The following BCL2L14 variants were observed in gnomAD, a reference collection of about 807,000 sequenced individuals.
BCL2L14 encodes the protein apoptosis facilitator Bcl-2-like protein 14.
BCL2L14 carries 27 observed loss-of-function variants against 35.3 expected under a neutral mutation model. The ratio of observed to expected loss-of-function variants is 0.76; its 90% CI spans 0.56 to 1.05. BCL2L14 has a LOEUF of 1.05. Among genes scored for constraint, BCL2L14 ranks in the 50% least tolerant of loss-of-function variants. The probability of loss-of-function intolerance (pLI) is 0.00; values close to 1 mark genes in which losing one functional copy is unlikely to be tolerated. For synonymous variants in BCL2L14, 139 were observed against 145.9 expected (o/e 0.95, Z 0.34); for missense variants, 377 against 382.6 (o/e 0.99, Z 0.12).
At chr12:12,085,745 A>G (rs1341040160) in intron 2 of BCL2L14, among the ~76,000 whole-genome samples, 2 of 152,150 alleles carry the variant, frequency 1.3e-5, no homozygotes, top group African/African-American at 4.8e-5. Flanking sequence ...GAGAGGGATC[A>G]GGAGCCACCT....
At chr12:12,088,836 G>A (rs542963535) in intron 3 of BCL2L14, among the ~76,000 whole-genome samples, 16 of 152,256 alleles carry the variant, frequency 1.1e-4, no homozygotes, top group Middle Eastern at 3.4e-3. Context: ...AGAGGCTCAG[G>A]GGACCGTGTG....
intron 2 of BCL2L14, among the ~76,000 whole-genome samples, chr12:12,084,424 T>C (rs1207635377): frequency 6.6e-6 from 1 of 152,162 alleles, no homozygotes; most frequent in South Asian, 2.1e-4. Flanking sequence ...AGAAAGTGGA[T>C]ACTGAGTGGG....
intron 2 of BCL2L14, among the ~76,000 whole-genome samples, chr12:12,057,863 T>TGCCTGG (rs111803232): frequency 0.17 from 25,378 of 151,012 alleles, 2,243 homozygotes; most frequent in African/African-American, 0.19. Context: ...TTAAAGACAG[T>TGCCTGG]GCCTGGGCTC....
intron 2 of BCL2L14, among the ~76,000 whole-genome samples, chr12:12,061,555 T>C (rs1948526513): frequency 6.6e-6 from 1 of 151,986 alleles, no homozygotes; most frequent in Non-Finnish European, 1.5e-5. Context: ...GTTTTGCCTA[T>C]CCACCCCGTG....
chr12:12,063,404 A>T (rs1948553700), intron 2 of BCL2L14, among the ~76,000 whole-genome samples: 1 of 148,374 alleles, frequency 6.7e-6, no homozygotes. Context: ...TATTCCGTTT[A>T]GTTTTTCAAT....
chr12:12,094,882 G>A lies in BCL2L14; in HGVS notation c.897G>A (p.Lys299=), dbSNP rs1276297775. ...ACAGGGTCCTGGGCTTTGGCACCAA[G>A]TACCTGAAAGAGAACTTCTCGCCAT... is the stretch of plus-strand genomic sequence containing the variant. ...PMNRVLGFGT[K]YLKENFSPWI... is the part of the protein sequence containing the mutation. Residue 299 remains lysine (K), a synonymous_variant, in exon 5 of 6, where the codon AAG becomes AAA. Transcript: ENST00000308721. 3.1e-6 allele frequency: 5 copies of A among 1,614,054 alleles called. No individual in the cohort carries two copies. Among genetic ancestry groups the A allele is most frequent in the African/African-American group, 1.3e-5 (1 of 74,936 alleles).
At chr12:12,060,159 C>T (rs1025663749) in intron 2 of BCL2L14, among the ~76,000 whole-genome samples, 1 of 151,546 alleles carries the variant, frequency 6.6e-6, no homozygotes, top group South Asian at 2.1e-4. Flanking sequence ...CACCTCCCCT[C>T]CTCACACCCG....
chr12:12,067,942 T>C (rs17757828), upstream of BCL2L14, among the ~76,000 whole-genome samples: 16,469 of 150,126 alleles, frequency 0.11, 917 homozygotes, highest in Middle Eastern at 0.17. Flanking sequence ...TTTCAGGACT[T>C]TTTTTTTTTG....
At chr12:12,098,862 C>G in intron 5 of BCL2L14, 88 bp from the exon 6 acceptor site, 1 of 967,156 alleles carries the variant, frequency 1.0e-6, no homozygotes, top group Non-Finnish European at 1.7e-6. Context: ...CGGGTCACGC[C>G]TGGGATAGAG....
At chr12:12,088,900 A>G (rs1297042046) in intron 3 of BCL2L14, among the ~76,000 whole-genome samples, 1 of 152,088 alleles carries the variant, frequency 6.6e-6, no homozygotes, top group Non-Finnish European at 1.5e-5. Flanking sequence ...AAACAGTGTG[A>G]CATTTTATTA....
At chr12:12,092,588 G>A (rs570571907) in intron 4 of BCL2L14, among the ~76,000 whole-genome samples, 1 of 152,312 alleles carries the variant, frequency 6.6e-6, no homozygotes, top group African/African-American at 2.4e-5. Context: ...GCAGGGGAGG[G>A]GTGAGGAGGT....
At chr12:12,086,903 G>A (rs746166540) in intron 2 of BCL2L14, among the ~76,000 whole-genome samples, 15 of 152,192 alleles carry the variant, frequency 9.9e-5, no homozygotes, top group Non-Finnish European at 2.1e-4. Flanking sequence ...AAAGAGCTAA[G>A]CACTCCTTTT....
At chr12:12,069,641 G>C (rs1329935442), upstream of BCL2L14, among the ~76,000 whole-genome samples, 1 of 151,094 alleles carries the variant, frequency 6.6e-6, no homozygotes, top group Non-Finnish European at 1.5e-5. Flanking sequence ...CCAGGAGGTG[G>C]AGCTTGCAGT....
chr12:12,090,650 A>ATT (rs1591834389), intron 3 of BCL2L14, 129 bp from the exon 4 acceptor site: 8 of 560,362 alleles, frequency 1.4e-5, no homozygotes, highest in East Asian at 6.4e-5. Flanking sequence ...AAAAAATAAA[A>ATT]AAAAAAAAAA....
Position 12,087,278 on chromosome 12 carries a change from C to T in BCL2L14, c.499C>T (p.Pro167Ser). 3 of 1,614,200 alleles carry T rather than the reference C, an allele frequency of 1.9e-6. No homozygotes were observed. The highest frequency in any genetic ancestry group is 2.5e-6 in the Non-Finnish European group (3 of 1,180,008). Residue 167 changes from proline (P) to serine (S), a missense_variant, in exon 3 of 6, where the codon CCA becomes TCA. Coordinates refer to ENST00000308721, the MANE Select transcript of BCL2L14 (RefSeq NM_138723.2). ...VAEIVYSWPP[P>S]QATQAGGFKS... ...TGAAATTGTTTACTCCTGGCCACCA[C>T]CACAAGCGACCCAGGCAGGAGGCTT...
Position 12,074,445 on chromosome 12 carries a change from C to A in BCL2L14, c.-8+3308C>A, listed in dbSNP as rs185638321. 1.5e-3 allele frequency among the ~76,000 whole-genome samples: 232 copies of A among 151,870 alleles called. 2 individuals are homozygous for A. The highest frequency in any genetic ancestry group is 0.015 in the Admixed American group (231 of 15,262). On this transcript the variant is annotated intron_variant, in intron 1 of 5. Coordinates refer to ENST00000308721, the MANE Select transcript of BCL2L14 (RefSeq NM_138723.2). ...AAGATATGTACCTTTTTCTTTTTTT[C>A]TTTTTATTATTTTTTTTTGAGACAG...
At chr12:12,070,585 G>A (rs1025578178), upstream of BCL2L14, among the ~76,000 whole-genome samples, 3 of 151,996 alleles carry the variant, frequency 2.0e-5, no homozygotes, top group African/African-American at 7.3e-5. Context: ...GCTGAGATAT[G>A]AGAATCGCTT....
upstream of BCL2L14, among the ~76,000 whole-genome samples, chr12:12,069,928 C>T (rs2136726625): frequency 6.6e-6 from 1 of 152,318 alleles, no homozygotes; most frequent in Non-Finnish European, 1.5e-5. Context: ...TTCTTCCCCA[C>T]TTTTACGAAA....
chr12:12,086,622 C>G (rs550010812), intron 2 of BCL2L14, among the ~76,000 whole-genome samples: 2 of 152,368 alleles, frequency 1.3e-5, no homozygotes, highest in African/African-American at 4.8e-5. Flanking sequence ...TACCTATAAG[C>G]ATTCATTGAA....
Sources: gnomAD v4.1 joint callset for allele counts (sites outside exome capture counted in the v4.1 genomes callset) on GRCh38, gnomAD v4.1.1 for gene constraint, MANE v1.5 for transcripts, NCBI Gene and HGNC (gene_info 2026-07-23, HGNC 2026-07-21) for gene names.